RHAG: variants seen among roughly 807,000 people sequenced by gnomAD.
The protein encoded by RHAG is Rh associated glycoprotein.
In RHAG, 25 loss-of-function variants were observed where a neutral mutation model predicts 42.4. The observed-to-expected ratio is 0.59, with a 90% CI of 0.43 to 0.82. The LOEUF is 0.82. Ranked by LOEUF, RHAG falls within the 40% of genes least tolerant of loss-of-function variation. The pLI, the probability that RHAG is intolerant of heterozygous loss-of-function variation, is 0.00. For synonymous variants in RHAG, 182 were observed against 177.7 expected, an observed-to-expected ratio of 1.02 and a Z score of -0.19; for missense variants, 483 against 504.6, an observed-to-expected ratio of 0.96 and a Z score of 0.41.
chr6:49,612,380 A>T lies in RHAG; in HGVS notation c.945+17T>A. ...GTGCAGATTCAGAGTTTGACTCAGA[A>T]CATCTGCTGTACTTACAGTCAGGAA... On this transcript the variant is annotated intron_variant, in intron 6 of 9. Coordinates refer to ENST00000371175, the MANE Select transcript of RHAG (RefSeq NM_000324.3). 6.2e-7 allele frequency: 1 copy of T among 1,613,758 alleles called. No homozygotes were observed. The highest frequency in any genetic ancestry group is 8.5e-7 in the Non-Finnish European group (1 of 1,179,644).
chr6:49,628,167 G>C (rs1191056120), intron 1 of RHAG, among the ~76,000 whole-genome samples: 7 of 151,738 alleles, frequency 4.6e-5, no homozygotes, highest in African/African-American at 7.3e-5. Context: ...CACACAGAGA[G>C]AGAGAGAGAG....
chr6:49,634,384 A>G (rs1562021713), intron 1 of RHAG, among the ~76,000 whole-genome samples: 3 of 152,144 alleles, frequency 2.0e-5, no homozygotes, highest in Admixed American at 2.0e-4. Context: ...TATAAATTAT[A>G]ATGTAAACAA....
chr6:49,630,224 G>A (rs1005499946), intron 1 of RHAG, among the ~76,000 whole-genome samples: 2 of 152,230 alleles, frequency 1.3e-5, no homozygotes, highest in Non-Finnish European at 2.9e-5. Context: ...GTTTTATTTC[G>A]TTTGTTTGTC....
intron 1 of RHAG, among the ~76,000 whole-genome samples, chr6:49,632,591 G>A (rs1021091914): frequency 3.3e-5 from 5 of 152,104 alleles, no homozygotes; most frequent in African/African-American, 9.7e-5. Flanking sequence ...GTATAAGTCA[G>A]TGAATCAATA....
chr6:49,606,053 G>GA (rs1774157933), intron 9 of RHAG, among the ~76,000 whole-genome samples: 1 of 152,092 alleles, frequency 6.6e-6, no homozygotes, highest in African/African-American at 2.4e-5. Context: ...AAATTTTGCT[G>GA]AAAACACCCA....
At chr6:49,624,480 C>T (rs1762811518) in intron 1 of RHAG, among the ~76,000 whole-genome samples, 1 of 152,240 alleles carries the variant, frequency 6.6e-6, no homozygotes, top group East Asian at 1.9e-4. Context: ...GCTGGGATTA[C>T]AGGCATGAGC....
intron 5 of RHAG, among the ~76,000 whole-genome samples, chr6:49,613,689 C>T (rs775297826): frequency 3.9e-5 from 6 of 152,014 alleles, no homozygotes; most frequent in Non-Finnish European, 7.4e-5. Context: ...GCAAGAAACT[C>T]AAGAGACCAA....
intron 7 of RHAG, among the ~76,000 whole-genome samples, chr6:49,610,124 G>A (rs1762549142): frequency 6.6e-6 from 1 of 151,842 alleles, no homozygotes; most frequent in South Asian, 2.1e-4. Context: ...ATGCACACGG[G>A]GCTTAAAACC....
intron 7 of RHAG, among the ~76,000 whole-genome samples, chr6:49,609,322 A>G (rs1015571106): frequency 2.0e-4 from 30 of 152,160 alleles, no homozygotes; most frequent in African/African-American, 6.5e-4. Flanking sequence ...CTCAACCATG[A>G]GACTTAACCA....
chr6:49,615,913 G>T, intron 3 of RHAG, 142 bp from the exon 4 acceptor site: 1 of 827,630 alleles, frequency 1.2e-6, no homozygotes. Context: ...CAGAGAAAGG[G>T]GGGTAAAACA....
chr6:49,617,545 A>G (rs1762675289), intron 3 of RHAG, among the ~76,000 whole-genome samples: 1 of 152,222 alleles, frequency 6.6e-6, no homozygotes, highest in African/African-American at 2.4e-5. Flanking sequence ...ATGTTAATAG[A>G]AATACAAACA....
chr6:49,607,046 GT>G, intron 8 of RHAG, 103 bp downstream of exon 8: 1 of 1,253,454 alleles, frequency 8.0e-7, no homozygotes, highest in Non-Finnish European at 1.2e-6. Context: ...ACTGCCAGAA[GT>G]TTAGAACATT....
intron 1 of RHAG, among the ~76,000 whole-genome samples, chr6:49,620,908 T>C (rs1762746171): frequency 6.6e-6 from 1 of 152,180 alleles, no homozygotes; most frequent in African/African-American, 2.4e-5. Flanking sequence ...AGGATGTGCC[T>C]GGAAAATATG....
rs1762567311 is a variant in RHAG, at chr6:49,611,460, C to A, written c.946-315G>T. 2.0e-5 allele frequency among the ~76,000 whole-genome samples: 3 copies of A among 152,158 alleles called. No individual in the cohort carries two copies. The South Asian group carries it at 6.2e-4, about 32-fold the overall frequency. On this transcript the variant is annotated intron_variant, in intron 6 of 9. Transcript: ENST00000371175. ...ACAGATATATAGTACAATTTTACTA[C>A]CTATAATCCTCATGCTGTGCATTAG...
At chr6:49,621,284 G>C (rs935528244) in intron 1 of RHAG, among the ~76,000 whole-genome samples, 1 of 152,254 alleles carries the variant, frequency 6.6e-6, no homozygotes, top group Admixed American at 6.5e-5. Flanking sequence ...GAAACCCTAA[G>C]CTCTCAATTC....
Position 49,612,462 on chromosome 6 carries a change from A to G in RHAG, c.880T>C (p.Phe294Leu), listed in dbSNP as rs756922457. Reference sequence around the variant, plus strand: ...ATGCTCCCAATAATCATAGAACCAAATGGGTGAATTGCCATATCCGCACAA... The same window carrying G: ...ATGCTCCCAATAATCATAGAACCAAGTGGGTGAATTGCCATATCCGCACAA... ...GTCADMAIHP[F>L]GSMIIGSIAG... Residue 294 changes from phenylalanine to leucine, a missense_variant, in exon 6 of 10, where the codon TTT (phenylalanine) becomes CTT (leucine). Phe to Leu is a conservative substitution (Grantham distance 22). Coordinates refer to ENST00000371175, the MANE Select transcript of RHAG (RefSeq NM_000324.3). The G allele has an allele frequency of 1.2e-6, 2 of 1,613,964 alleles. No homozygotes were observed. Among genetic ancestry groups the G allele is most frequent in the East Asian group, 2.2e-5 (1 of 44,872 alleles).
In RHAG at chr6:49,636,686, C is replaced by G; in HGVS notation, c.127G>C (p.Asp43His). The G allele has an allele frequency of 6.2e-7, 1 of 1,613,922 alleles. No individual in the cohort carries two copies. The highest frequency in any genetic ancestry group is 8.5e-7 in the Non-Finnish European group (1 of 1,179,820). Residue 43 changes from aspartate to histidine, a missense_variant, in exon 1 of 10, where the codon GAC (aspartate) becomes CAC (histidine). Physicochemically the swap from Asp to His is moderately conservative, Grantham distance 81 (BLOSUM62 -1). Transcript: ENST00000371175. Reference protein sequence around the residue: ...LEQLNITKPTDMGIFFELYPL... With the variant: ...LEQLNITKPTHMGIFFELYPL... ...TATAACTCAAAGAATATGCCCATGTCTGTTGGCTTGGTGATGTTGAGCTGC... is the reference window on the plus strand; with the variant it reads ...TATAACTCAAAGAATATGCCCATGTGTGTTGGCTTGGTGATGTTGAGCTGC...
At position 49,606,641 on chromosome 6, in the gene RHAG, G is replaced by T. The variant is rs10948516; in HGVS notation, c.1212+207C>A. ...TTATTTATAATTTTTGTAGAGAGTT[G>T]CCCAGGCTGGACCCAAACTCCTGGC... On this transcript the variant is annotated intron_variant, in intron 9 of 9. Coordinates refer to ENST00000371175, the MANE Select transcript of RHAG (RefSeq NM_000324.3). 232,209 of 483,398 alleles carry T rather than the reference G, an allele frequency of 0.48. 60,659 individuals are homozygous for T. The highest frequency in any genetic ancestry group is 0.57 in the Non-Finnish European group (154,832 of 272,202). The allele number at this position is 483,398 out of a possible 1,614,324, so 29.9% of individuals were successfully genotyped here.
intron 1 of RHAG, among the ~76,000 whole-genome samples, chr6:49,629,848 G>C (rs1762907463): frequency 1.3e-5 from 2 of 152,184 alleles, no homozygotes; most frequent in Non-Finnish European, 2.9e-5. Context: ...CCGAGTGCGG[G>C]GCCCGCCAAG....
Sources: allele counts gnomAD v4.1 joint callset (sites outside exome capture counted in the v4.1 genomes callset), GRCh38; gene constraint gnomAD v4.1.1; transcripts MANE v1.5; gene names NCBI Gene and HGNC (gene_info 2026-07-23, HGNC 2026-07-21).